FAT3: variants seen among roughly 807,000 people sequenced by gnomAD.
The protein encoded by FAT3 is FAT atypical cadherin 3.
FAT3 carries 95 observed loss-of-function variants against 310.2 expected under a neutral mutation model. The observed-to-expected ratio is 0.31, with a 90% CI of 0.26 to 0.36. The LOEUF (loss-of-function observed/expected upper bound fraction) is 0.36. FAT3 is among the 10% of genes least tolerant of loss of function. FAT3 has a pLI of 1.00. For synonymous variants in FAT3, 2,314 were observed against 2,192.9 expected (o/e 1.06, Z -1.54); for missense variants, 5,408 against 5,715.6 (o/e 0.95, Z 1.74).
chr11:92,790,041 G>T lies in FAT3; in HGVS notation c.4434G>T (p.Glu1478Asp), dbSNP rs201768802. 314 of 1,613,850 alleles carry T rather than the reference G, an allele frequency of 1.9e-4. No individual in the cohort carries two copies. The African/African-American group carries it at 3.6e-3, about 19-fold the overall frequency. ...TISEDVLPDTEILQIEATDRD... is the reference protein window; with the variant it reads ...TISEDVLPDTDILQIEATDRD... ...CCGAGGATGTGCTTCCAGACACGGAGATCCTGCAGATTGAAGCCACAGATA... is the reference window on the plus strand; with the variant it reads ...CCGAGGATGTGCTTCCAGACACGGATATCCTGCAGATTGAAGCCACAGATA... The change falls in exon 8 of 28, where the codon GAG (glutamate) becomes GAT (aspartate). Residue 1478 changes from glutamate (E) to aspartate (D), a missense_variant. Transcript: ENST00000525166.
In FAT3 at chr11:92,368,120, T is replaced by C. The variant is rs989548887; in HGVS notation, c.3292+12716T>C. 3.9e-5 allele frequency among the ~76,000 whole-genome samples: 6 copies of C among 152,344 alleles called. 1 individual carries two copies. The highest frequency in any genetic ancestry group is 3.3e-4 in the Admixed American group (5 of 15,304). On this transcript the variant is annotated intron_variant, in intron 2 of 27. Coordinates refer to ENST00000525166, the MANE Select transcript of FAT3 (RefSeq NM_001367949.2). ...TCTGACACACCTCTCTAATGTTTTT[T>C]TTCTTACATTTTTGGGTTGAAATTT...
In FAT3 at chr11:92,450,412, G is replaced by A. The variant is rs936964778; in HGVS notation, c.3293-74222G>A. Among the ~76,000 whole-genome samples, 6 of 152,216 alleles carry A rather than the reference G, an allele frequency of 3.9e-5. No homozygotes were observed. In the South Asian group the frequency reaches 1.0e-3, roughly 26 times the overall value. ...TGGCTGTGGGGGGTTGGGTAGGGTAGGGATTTATGGGTATGATTCCCATTA... is the reference window on the plus strand; with the variant it reads ...TGGCTGTGGGGGGTTGGGTAGGGTAAGGATTTATGGGTATGATTCCCATTA... On this transcript the variant is annotated intron_variant, in intron 2 of 27. Transcript: ENST00000525166.
chr11:92,782,428 A>AC (rs1361646429), intron 7 of FAT3, among the ~76,000 whole-genome samples: 2 of 152,082 alleles, frequency 1.3e-5, no homozygotes, highest in Non-Finnish European at 2.9e-5. Context: ...AATAAAAAAA[A>AC]CCAGACAGGT....
Position 92,477,804 on chromosome 11 carries a change from C to T in FAT3, c.3293-46830C>T, listed in dbSNP as rs569025035. Among the ~76,000 whole-genome samples, 9 of 152,298 alleles carry T rather than the reference C, an allele frequency of 5.9e-5. No individual in the cohort carries two copies. The South Asian group carries it at 1.9e-3, about 32-fold the overall frequency. On this transcript the variant is annotated intron_variant, in intron 2 of 27. Transcript: ENST00000525166. ...CTATGTCTGTATTAGAACACAAGACCAGTTAGACAGCTCAGGCTATGCAAG... is the reference window on the plus strand; with the variant it reads ...CTATGTCTGTATTAGAACACAAGACTAGTTAGACAGCTCAGGCTATGCAAG...
intron 1 of FAT3, among the ~76,000 whole-genome samples, chr11:92,256,819 G>A (rs1349445993): frequency 6.6e-6 from 1 of 152,112 alleles, no homozygotes; most frequent in Non-Finnish European, 1.5e-5. Context: ...GAATTTGTCT[G>A]AGATTATATA....
chr11:92,525,992 T>C (rs1953848640), intron 3 of FAT3, among the ~76,000 whole-genome samples: 2 of 152,150 alleles, frequency 1.3e-5, no homozygotes, highest in Admixed American at 6.5e-5. Context: ...TAATTATGAG[T>C]GGATCAATCA....
intron 3 of FAT3, among the ~76,000 whole-genome samples, chr11:92,612,952 T>C (rs749143602): frequency 6.6e-6 from 1 of 152,206 alleles, no homozygotes; most frequent in African/African-American, 2.4e-5. Flanking sequence ...GCATGTGTGC[T>C]ATGCCAGTGT....
intron 2 of FAT3, among the ~76,000 whole-genome samples, chr11:92,455,858 A>G (rs751564430): frequency 1.3e-4 from 20 of 152,194 alleles, no homozygotes; most frequent in Non-Finnish European, 2.6e-4. Flanking sequence ...TATTTGGCAA[A>G]TATGTATTGA....
intron 3 of FAT3, among the ~76,000 whole-genome samples, chr11:92,571,999 G>A (rs969335454): frequency 3.3e-5 from 5 of 152,298 alleles, no homozygotes; most frequent in Non-Finnish European, 7.4e-5. Flanking sequence ...CCCTTAAATT[G>A]AGGTGTGGCT....
chr11:92,246,784 A>G (rs1430389111), intron 1 of FAT3, among the ~76,000 whole-genome samples: 1 of 152,130 alleles, frequency 6.6e-6, no homozygotes, highest in African/African-American at 2.4e-5. Context: ...TCACACTGTT[A>G]TATGGAACTT....
intron 2 of FAT3, among the ~76,000 whole-genome samples, chr11:92,496,783 G>T (rs1221522538): frequency 6.6e-6 from 1 of 151,982 alleles, no homozygotes; most frequent in Non-Finnish European, 1.5e-5. Flanking sequence ...GGAGGAAAGG[G>T]GTTATGTTTT....
At chr11:92,796,504 A>G (rs916545418) in intron 9 of FAT3, among the ~76,000 whole-genome samples, 60 of 152,302 alleles carry the variant, frequency 3.9e-4, no homozygotes, top group African/African-American at 1.4e-3. Context: ...ATGTAGACAC[A>G]TCTCATAACT....
intron 1 of FAT3, among the ~76,000 whole-genome samples, chr11:92,340,024 A>G (rs527686049): frequency 1.4e-5 from 2 of 146,592 alleles, no homozygotes; most frequent in African/African-American, 2.5e-5. Context: ...AGGCAGGAGA[A>G]TGGCGTGAAC....
intron 3 of FAT3, among the ~76,000 whole-genome samples, chr11:92,670,738 G>A (rs983126581): frequency 2.0e-5 from 3 of 152,182 alleles, no homozygotes; most frequent in African/African-American, 7.2e-5. Flanking sequence ...AAGAGAAAAA[G>A]CATTTTATAA....
At chr11:92,879,347 G>A (rs1949619058) in intron 22 of FAT3, among the ~76,000 whole-genome samples, 1 of 152,170 alleles carries the variant, frequency 6.6e-6, no homozygotes, top group Non-Finnish European at 1.5e-5. Context: ...GGAAAGCAGG[G>A]CCAGAGGACA....
intron 4 of FAT3, among the ~76,000 whole-genome samples, chr11:92,746,670 A>G (rs1459155203): frequency 3.9e-5 from 6 of 152,188 alleles, no homozygotes; most frequent in Admixed American, 3.3e-4. Context: ...CCCTTCACCT[A>G]TGAGCCTGTA....
At chr11:92,688,017 A>G (rs1440195496) in intron 3 of FAT3, among the ~76,000 whole-genome samples, 1 of 151,176 alleles carries the variant, frequency 6.6e-6, no homozygotes, top group African/African-American at 2.4e-5. Flanking sequence ...GGAATTAGAG[A>G]CCACATCTCT....
chr11:92,876,277 G>C (rs1352283699), intron 22 of FAT3, among the ~76,000 whole-genome samples: 1 of 152,130 alleles, frequency 6.6e-6, no homozygotes, highest in Non-Finnish European at 1.5e-5. Flanking sequence ...GTTACTGTTT[G>C]TCTAAAGACA....
chr11:92,764,768 C>A, intron 5 of FAT3, 111 bp from the exon 6 acceptor site: 5 of 967,074 alleles, frequency 5.2e-6, no homozygotes, highest in Non-Finnish European at 4.6e-6. Context: ...CTTCCCCTTG[C>A]TGACACTGTG....
Sources: allele counts gnomAD v4.1 joint callset (sites outside exome capture counted in the v4.1 genomes callset), GRCh38; gene constraint gnomAD v4.1.1; transcripts MANE v1.5; gene names NCBI Gene and HGNC (gene_info 2026-07-23, HGNC 2026-07-21).